MANBA: variants seen among roughly 807,000 people sequenced by gnomAD.
MANBA encodes mannosidase beta.
A neutral mutation model predicts 111.1 loss-of-function variants in MANBA; 83 were observed. That is an observed-to-expected ratio of 0.75 (90% CI 0.63 to 0.90). The LOEUF is 0.90. Ranked by LOEUF, MANBA falls within the 40% of genes least tolerant of loss-of-function variation. The pLI, the probability that MANBA is intolerant of heterozygous loss-of-function variation, is 0.00. For missense variants in MANBA, 1,036 were observed against 1,069.0 expected (o/e 0.97, Z 0.43); for synonymous variants, 370 against 378.7 (o/e 0.98, Z 0.27).
At chr4:102,735,606 C>A (rs888363612) in intron 1 of MANBA, among the ~76,000 whole-genome samples, 1 of 151,490 alleles carries the variant, frequency 6.6e-6, no homozygotes, top group Non-Finnish European at 1.5e-5. Flanking sequence ...TAATTTGGTT[C>A]CAGGTTGGTC....
intron 1 of MANBA, among the ~76,000 whole-genome samples, chr4:102,746,737 C>T (rs1723599975): frequency 6.6e-6 from 1 of 152,262 alleles, no homozygotes; most frequent in South Asian, 2.1e-4. Flanking sequence ...CTTTGGCAGG[C>T]CAAGGCGGGA....
intron 14 of MANBA, 100 bp from the exon 15 acceptor site, chr4:102,636,107 A>T: frequency 9.4e-7 from 1 of 1,060,110 alleles, no homozygotes; most frequent in South Asian, 1.3e-5. Flanking sequence ...GTTCTAAGGG[A>T]GTGAGCATGT....
intron 5 of MANBA, among the ~76,000 whole-genome samples, chr4:102,703,853 T>G (rs1733172964): frequency 6.6e-6 from 1 of 152,186 alleles, no homozygotes; most frequent in Admixed American, 6.5e-5. Context: ...CCCAGCACTC[T>G]GGGAGGCTGA....
intron 13 of MANBA, among the ~76,000 whole-genome samples, chr4:102,644,111 A>G (rs987627312): frequency 6.6e-6 from 1 of 152,148 alleles, no homozygotes; most frequent in Non-Finnish European, 1.5e-5. Context: ...ATTCTTTTGC[A>G]TGTGGATATC....
At chr4:102,667,403 C>A (rs893146339) in intron 10 of MANBA, 10 of 152,032 alleles carry the variant, frequency 6.6e-5, no homozygotes, top group African/African-American at 2.4e-4. Context: ...AACTTAAAAC[C>A]AGATGGATGT....
At chr4:102,688,350 C>T (rs1402271553) in intron 7 of MANBA, among the ~76,000 whole-genome samples, 3 of 150,024 alleles carry the variant, frequency 2.0e-5, no homozygotes, top group African/African-American at 4.9e-5. Flanking sequence ...CTCTCACACA[C>T]ACATACACAC....
chr4:102,720,530 G>T (rs112795898), intron 4 of MANBA, among the ~76,000 whole-genome samples: 26 of 151,122 alleles, frequency 1.7e-4, no homozygotes, highest in Admixed American at 3.3e-4. Flanking sequence ...ACTTGAACCC[G>T]GGAGGCAGAG....
chr4:102,723,603 T>G (rs1722670478), intron 3 of MANBA, among the ~76,000 whole-genome samples: 1 of 152,264 alleles, frequency 6.6e-6, no homozygotes, highest in Non-Finnish European at 1.5e-5. Context: ...TGGCATGTTT[T>G]GAACACTTCC....
chr4:102,669,167 G>A, intron 9 of MANBA, 118 bp from the exon 10 acceptor site: 1 of 792,258 alleles, frequency 1.3e-6, no homozygotes, highest in Non-Finnish European at 2.2e-6. Context: ...CAGTTAGCCT[G>A]ATGAGTGTGA....
intron 1 of MANBA, among the ~76,000 whole-genome samples, chr4:102,733,504 C>T (rs1015252774): frequency 6.6e-6 from 1 of 152,094 alleles, no homozygotes; most frequent in Non-Finnish European, 1.5e-5. Flanking sequence ...CAGATGTATG[C>T]CACCACTCCC....
intron 11 of MANBA, among the ~76,000 whole-genome samples, chr4:102,664,449 C>T (rs1209959338): frequency 3.3e-5 from 5 of 152,018 alleles, no homozygotes; most frequent in African/African-American, 7.2e-5. Flanking sequence ...TCCGGGTTCA[C>T]GCCATGCTCC....
chr4:102,741,423 A>T (rs1350897801), intron 1 of MANBA, among the ~76,000 whole-genome samples: 1 of 152,244 alleles, frequency 6.6e-6, no homozygotes, highest in African/African-American at 2.4e-5. Context: ...TTGATCCAGC[A>T]ATCCCACTAC....
rs372595764 is a variant in MANBA at position 102,634,824 on chromosome 4, C to T, written c.2379G>A (p.Pro793=). The part of the protein sequence containing the change: ...SPTNYHFLSS[P]KEAVGLCKAQ... ...CCTTGCAGAGCCCCACGGCCTCCTT[C>T]GGTGAGGACAAGAAGTGGTAGTTGG... The change falls in exon 16 of 17, where the codon CCG becomes CCA. Residue 793 remains proline, a synonymous_variant. Transcript: ENST00000647097. 144 of 1,614,120 alleles carry T rather than the reference C, an allele frequency of 8.9e-5. No homozygotes were observed. Among genetic ancestry groups the T allele is most frequent in the Non-Finnish European group, 1.1e-4 (131 of 1,180,024 alleles).
At chr4:102,706,705 A>G (rs1029279840) in intron 5 of MANBA, among the ~76,000 whole-genome samples, 3 of 152,184 alleles carry the variant, frequency 2.0e-5, no homozygotes, top group Admixed American at 2.0e-4. Context: ...AAGAAATCAG[A>G]AAAACAATTC....
At position 102,714,544 on chromosome 4, in the gene MANBA, A is replaced by C. The variant is rs774399025; in HGVS notation, c.567T>G (p.Ser189Arg). The change falls in exon 5 of 17, where the codon AGT becomes AGG. Residue 189 changes from serine (S) to arginine (R), a missense_variant. Coordinates refer to ENST00000647097, the MANE Select transcript of MANBA (RefSeq NM_005908.4). ...NFVRKEQCSF[S>R]WDWGPSFPTQ... The stretch of plus-strand genomic sequence containing the variant: ...TAGGAAAGGAAGGCCCCCAGTCCCA[A>C]CTAAAGGAACATTGCTCCTGCAATT... The C allele has an allele frequency of 6.2e-7, 1 of 1,608,888 alleles. No individual in the cohort carries two copies. The highest frequency in any genetic ancestry group is 8.5e-7 in the Non-Finnish European group (1 of 1,175,214).
chr4:102,758,838 A>C (rs1283214956), intron 1 of MANBA, among the ~76,000 whole-genome samples: 1 of 152,048 alleles, frequency 6.6e-6, no homozygotes, highest in Admixed American at 6.6e-5. Flanking sequence ...GATTATTTTC[A>C]ACAGGCCTTG....
At chr4:102,752,207 G>A (rs1222547814) in intron 1 of MANBA, 3 of 857,034 alleles carry the variant, frequency 3.5e-6, no homozygotes, top group Non-Finnish European at 2.0e-6. Context: ...TGCATCTTGG[G>A]ACCATACAAT....
chr4:102,664,380 G>A (rs563508765), intron 11 of MANBA, among the ~76,000 whole-genome samples: 318 of 146,684 alleles, frequency 2.2e-3, no homozygotes, highest in African/African-American at 7.4e-3. Flanking sequence ...ACGGAGTCTC[G>A]CCCTGTCGCC....
intron 1 of MANBA, among the ~76,000 whole-genome samples, chr4:102,740,870 A>G (rs1723377848): frequency 6.6e-6 from 1 of 152,028 alleles, no homozygotes; most frequent in African/African-American, 2.4e-5. Flanking sequence ...CATCAGAAAA[A>G]CTCTTCTAGA....
Sources: gnomAD v4.1 joint callset for allele counts (sites outside exome capture counted in the v4.1 genomes callset) on GRCh38, gnomAD v4.1.1 for gene constraint, MANE v1.5 for transcripts, NCBI Gene and HGNC (gene_info 2026-07-23, HGNC 2026-07-21) for gene names.